NBEA: variants seen among roughly 807,000 people sequenced by gnomAD.
The protein encoded by NBEA is neurobeachin.
In NBEA, 44 loss-of-function variants were observed where a neutral mutation model predicts 343.4. The ratio of observed to expected loss-of-function variants is 0.13; its 90% confidence interval spans 0.10 to 0.16. The LOEUF is 0.16. Among genes scored for constraint, NBEA ranks in the 10% least tolerant of loss-of-function variants. The pLI is 1.00. For synonymous variants in NBEA, 1,175 were observed against 1,238.7 expected (o/e 0.95, Z 1.08); for missense variants, 2,555 against 3,631.3 (o/e 0.70, Z 7.62).
intron 1 of NBEA, among the ~76,000 whole-genome samples, chr13:34,975,423 A>C (rs2060133077): frequency 6.6e-6 from 1 of 152,194 alleles, no homozygotes. Context: ...GAAGAATGAA[A>C]CTGGATCCTT....
chr13:35,258,880 T>G (rs1006132577), intron 34 of NBEA, among the ~76,000 whole-genome samples: 5 of 152,214 alleles, frequency 3.3e-5, no homozygotes, highest in Non-Finnish European at 5.9e-5. Flanking sequence ...TTCAACATGT[T>G]ACCATAAAGT....
In NBEA at chr13:35,143,605, A is replaced by C. The variant is rs537919475; in HGVS notation, c.2445+1228A>C. 5.3e-5 allele frequency among the ~76,000 whole-genome samples: 8 copies of C among 152,350 alleles called. No homozygotes were observed. The South Asian group carries it at 1.7e-3, about 32-fold the overall frequency. Reference sequence around the variant, plus strand: ...AATATTATTCCTAACTCAGAAGAGCAGTGGTCAGAAAACATTAAACAGAAT... The same window carrying C: ...AATATTATTCCTAACTCAGAAGAGCCGTGGTCAGAAAACATTAAACAGAAT... On this transcript the variant is annotated intron_variant, in intron 18 of 58. Transcript: ENST00000379939.
chr13:35,355,219 A>G, intron 38 of NBEA, among the ~76,000 whole-genome samples: 1 of 137,420 alleles, frequency 7.3e-6, no homozygotes, highest in South Asian at 2.3e-4. Flanking sequence ...TTATTTTTAT[A>G]TTTCACTTGA....
At chr13:34,992,238 GTA>G (rs60959090) in intron 1 of NBEA, among the ~76,000 whole-genome samples, 7,811 of 121,916 alleles carry the variant, frequency 0.064, 267 homozygotes, top group South Asian at 0.1. Context: ...GTGTGTGTGT[GTA>G]TATATATATA....
intron 1 of NBEA, among the ~76,000 whole-genome samples, chr13:34,964,828 A>T (rs1292749943): frequency 6.6e-6 from 1 of 152,006 alleles, no homozygotes; most frequent in Non-Finnish European, 1.5e-5. Context: ...GATCAGGTTA[A>T]CACTGGAGCA....
intron 27 of NBEA, among the ~76,000 whole-genome samples, chr13:35,174,034 A>G (rs1387431698): frequency 1.3e-5 from 2 of 152,166 alleles, no homozygotes; most frequent in Admixed American, 6.6e-5. Flanking sequence ...TCATATGCTT[A>G]ACTGGCCCTT....
intron 35 of NBEA, among the ~76,000 whole-genome samples, chr13:35,293,145 C>G (rs892503869): frequency 6.6e-6 from 1 of 151,884 alleles, no homozygotes; most frequent in Non-Finnish European, 1.5e-5. Flanking sequence ...TCTAAATTTA[C>G]GTGAGATCAT....
intron 1 of NBEA, among the ~76,000 whole-genome samples, chr13:35,035,119 T>C (rs887769285): frequency 9.9e-5 from 15 of 151,830 alleles, no homozygotes; most frequent in African/African-American, 3.6e-4. Context: ...TTTGATTGTC[T>C]GTTTGATATT....
In NBEA at chr13:35,159,504, A is replaced by G; in HGVS notation, c.3333A>G (p.Val1111=). The G allele has an allele frequency of 1.9e-6, 3 of 1,613,354 alleles. No homozygotes were observed. Among genetic ancestry groups the G allele is most frequent in the Non-Finnish European group, 2.5e-6 (3 of 1,179,684 alleles). The stretch of plus-strand genomic sequence containing the variant: ...CTGTTGAGAAACTCCAGAACAATGT[A>G]CATGGAAGTGTTGGTATCATTAAAA... ...SAAVEKLQNN[V]HGSVGIIKKN... is the part of the protein sequence containing the mutation. The change falls in exon 22 of 59, where the codon GTA becomes GTG. Residue 1111 remains valine (V), a synonymous_variant. Transcript: ENST00000379939.
At chr13:35,650,375 T>A (rs898602569) in intron 52 of NBEA, among the ~76,000 whole-genome samples, 1 of 152,074 alleles carries the variant, frequency 6.6e-6, no homozygotes, top group Non-Finnish European at 1.5e-5. Context: ...AAAGACAAAA[T>A]CTAAATTCTC....
chr13:35,087,410 A>G (rs755166942), intron 10 of NBEA, among the ~76,000 whole-genome samples: 17 of 151,936 alleles, frequency 1.1e-4, no homozygotes, highest in Non-Finnish European at 4.4e-5. Flanking sequence ...TCAGCACAAC[A>G]TTAAAAGTAT....
intron 1 of NBEA, among the ~76,000 whole-genome samples, chr13:34,961,582 A>G (rs2059663237): frequency 6.6e-6 from 1 of 151,910 alleles, no homozygotes; most frequent in Admixed American, 6.6e-5. Flanking sequence ...TATCCCACAA[A>G]CTTTTATTGA....
At chr13:35,089,966 C>T (rs1274521126) in intron 10 of NBEA, among the ~76,000 whole-genome samples, 7 of 148,688 alleles carry the variant, frequency 4.7e-5, no homozygotes, top group South Asian at 4.3e-4. Context: ...TGCTAGATGA[C>T]GAGTTAGTGG....
At chr13:35,415,928 T>C (rs1323273589) in intron 38 of NBEA, among the ~76,000 whole-genome samples, 1 of 152,152 alleles carries the variant, frequency 6.6e-6, no homozygotes, top group South Asian at 2.1e-4. Context: ...GGTTTGTAGT[T>C]CTCCTTGAAG....
intron 38 of NBEA, among the ~76,000 whole-genome samples, chr13:35,408,207 T>C (rs150139035): frequency 1.3e-5 from 2 of 152,152 alleles, no homozygotes; most frequent in African/African-American, 4.8e-5. Context: ...TAAAACCAGA[T>C]ACATACCACT....
intron 10 of NBEA, among the ~76,000 whole-genome samples, chr13:35,096,807 A>G (rs910781417): frequency 2.6e-5 from 4 of 151,954 alleles, no homozygotes; most frequent in African/African-American, 9.6e-5. Flanking sequence ...TATTCAATTC[A>G]TTTAAAATGG....
At chr13:35,278,478 A>G (rs1057471256) in intron 34 of NBEA, among the ~76,000 whole-genome samples, 4 of 152,216 alleles carry the variant, frequency 2.6e-5, no homozygotes, top group Non-Finnish European at 5.9e-5. Flanking sequence ...AAGGTCTACA[A>G]GATAAAACCC....
At chr13:35,377,656 T>G (rs553461354) in intron 38 of NBEA, among the ~76,000 whole-genome samples, 105 of 152,316 alleles carry the variant, frequency 6.9e-4, no homozygotes, top group African/African-American at 2.5e-3. Context: ...CCCTGATATT[T>G]AGCCTTCCAG....
At chr13:35,037,818 G>T (rs2062504062) in intron 1 of NBEA, among the ~76,000 whole-genome samples, 1 of 152,154 alleles carries the variant, frequency 6.6e-6, no homozygotes, top group Admixed American at 6.5e-5. Context: ...GCTGGGTCTT[G>T]CCCAAGGCCT....
Sources: allele counts gnomAD v4.1 joint callset (sites outside exome capture counted in the v4.1 genomes callset), GRCh38; gene constraint gnomAD v4.1.1; transcripts MANE v1.5; gene names NCBI Gene and HGNC (gene_info 2026-07-23, HGNC 2026-07-21).